The following NCKIPSD variants were observed in gnomAD, a reference collection of about 807,000 sequenced individuals.
NCKIPSD encodes NCK-interacting protein with SH3 domain.
NCKIPSD carries 48 observed loss-of-function variants against 73.4 expected under a neutral mutation model. That is an observed-to-expected ratio of 0.65 (90% CI 0.52 to 0.83). The LOEUF is 0.83. NCKIPSD is among the 40% of genes least tolerant of loss of function. The pLI, the probability that NCKIPSD is intolerant of heterozygous loss-of-function variation, is 0.00. For synonymous variants in NCKIPSD, 422 were observed against 403.6 expected, an observed-to-expected ratio of 1.05 and a Z score of -0.54; for missense variants, 884 against 970.2, an observed-to-expected ratio of 0.91 and a Z score of 1.18.
At chr3:48,682,237 G>T in intron 3 of NCKIPSD, 81 bp from the exon 4 acceptor site, 1 of 1,565,004 alleles carries the variant, frequency 6.4e-7, no homozygotes, top group Non-Finnish European at 8.7e-7. Context: ...CCCTGGCTGT[G>T]GGCAGGACTA....
rs746592857 is a variant in NCKIPSD at position 48,679,063 on chromosome 3, T to A, written c.1691A>T (p.His564Leu). 3.1e-6 allele frequency: 5 copies of A among 1,613,898 alleles called. No homozygotes were observed. The Admixed American group carries it at 8.3e-5, about 27-fold the overall frequency. ...GCCAGGCCCCACCCCACCTGGCAGG[T>A]GCAGGTTGAGAGCCAGAAGCAGGTT... is the stretch of plus-strand genomic sequence containing the variant. Reference protein sequence around the residue: ...CVNLLLALNLHLPAADQNVIM... With the variant: ...CVNLLLALNLLLPAADQNVIM... The change falls in exon 10 of 13, where the codon CAC becomes CTC. Residue 564 changes from histidine to leucine, a missense_variant. His to Leu is a moderately conservative substitution (Grantham distance 99). Transcript: ENST00000294129.
At chr3:48,685,604 G>A (rs751076210) in intron 1 of NCKIPSD, 33 bp downstream of exon 1, 47 of 1,505,952 alleles carry the variant, frequency 3.1e-5, no homozygotes, top group Non-Finnish European at 4.0e-5. Context: ...TGCCCCAGGG[G>A]CGCGGAGGCC....
Position 48,679,414 on chromosome 3 carries a change from G to T in NCKIPSD, c.1533C>A (p.Val511=). 6.2e-7 allele frequency: 1 copy of T among 1,614,114 alleles called. No individual in the cohort carries two copies. The highest frequency in any genetic ancestry group is 8.5e-7 in the Non-Finnish European group (1 of 1,179,992). The change falls in exon 9 of 13, where the codon GTC becomes GTA. Residue 511 remains valine (V), a synonymous_variant. Coordinates refer to ENST00000294129, the MANE Select transcript of NCKIPSD (RefSeq NM_016453.4). ...AGGGCACTGCCTCTCCCATGGAGAA[G>T]ACCATGGCCAGGATGAGGGCAGAGT... ...LCYSALILAM[V]FSMGEAVPYA...
rs1213237078 is a variant in NCKIPSD, at chr3:48,674,528, G to A, written c.*16C>T. On this transcript the variant is annotated 3_prime_UTR_variant, in exon 13 of 13. Transcript: ENST00000294129. ...CACACTGACTGGAGCTGCAGGGAAG[G>A]GAGGACAGCAAGGTGCTAGCTGGGA... The A allele has an allele frequency of 6.4e-7, 1 of 1,572,756 alleles. No homozygotes were observed. The highest frequency in any genetic ancestry group is 8.6e-7 in the Non-Finnish European group (1 of 1,158,088).
Position 48,681,461 on chromosome 3 carries a change from C to T in NCKIPSD, c.918G>A (p.Ala306=), listed in dbSNP as rs201990279. The change falls in exon 5 of 13, where the codon GCG becomes GCA. Residue 306 remains alanine (A), a synonymous_variant. Coordinates refer to ENST00000294129, the MANE Select transcript of NCKIPSD (RefSeq NM_016453.4). The stretch of plus-strand genomic sequence containing the variant: ...CGGCCCCAATGGTCCTGGGCACAGC[C>T]GCCTCAGCTGCTGCCTTCTCCTCTG... The part of the protein sequence containing the change: ...GTTEEKAAAE[A]AVPRTIGAEL... 321 of 1,614,172 alleles carry T rather than the reference C, an allele frequency of 2.0e-4. No homozygotes were observed. Among genetic ancestry groups the T allele is most frequent in the Non-Finnish European group, 2.6e-4 (306 of 1,180,050 alleles).
Position 48,679,392 on chromosome 3 carries a change from G to A in NCKIPSD, c.1555C>T (p.Pro519Ser). 6.2e-7 allele frequency: 1 copy of A among 1,614,146 alleles called. No homozygotes were observed. Among genetic ancestry groups the A allele is most frequent in the Non-Finnish European group, 8.5e-7 (1 of 1,180,018 alleles). Residue 519 changes from proline (P) to serine (S), a missense_variant, in exon 9 of 13, where the codon CCC becomes TCC. Pro to Ser is a moderately conservative substitution (Grantham distance 74). Coordinates refer to ENST00000294129, the MANE Select transcript of NCKIPSD (RefSeq NM_016453.4). Reference protein sequence around the residue: ...AMVFSMGEAVPYAHYEHLGTP... With the variant: ...AMVFSMGEAVSYAHYEHLGTP... ...GCATTCTTACCATAGTGTGCATAGG[G>A]CACTGCCTCTCCCATGGAGAAGACC...
At chr3:48,677,155 G>C (rs188309670) in intron 12 of NCKIPSD, among the ~76,000 whole-genome samples, 1 of 150,986 alleles carries the variant, frequency 6.6e-6, no homozygotes, top group African/African-American at 2.4e-5. Flanking sequence ...TTGGGAGGCT[G>C]AGGCAGGTGG....
chr3:48,682,832 T>G (rs1265086382), intron 2 of NCKIPSD, 71 bp downstream of exon 2: 1 of 1,509,538 alleles, frequency 6.6e-7, no homozygotes, highest in Non-Finnish European at 8.9e-7. Context: ...ACCTGCCCCA[T>G]GACACTCATT....
At position 48,682,380 on chromosome 3, in the gene NCKIPSD, C is replaced by G. The variant is rs147782496; in HGVS notation, c.454G>C (p.Glu152Gln). Residue 152 changes from glutamate (E) to glutamine (Q), a missense_variant, in exon 3 of 13, where the codon GAG (glutamate) becomes CAG (glutamine). Glu to Gln is a conservative substitution (Grantham distance 29, BLOSUM62 2). Coordinates refer to ENST00000294129, the MANE Select transcript of NCKIPSD (RefSeq NM_016453.4). ...AGGCCTCCATCTGCCCCAAGATGCT[C>G]AGAACTGGGTAGGCTGTGCTGCCGC... ...FERQHSLPSS[E>Q]HLGADGGLYQ... 6.2e-7 allele frequency: 1 copy of G among 1,614,082 alleles called. No homozygotes were observed. The highest frequency in any genetic ancestry group is 8.5e-7 in the Non-Finnish European group (1 of 1,179,988).
rs1163300831 is a variant in NCKIPSD at position 48,683,022 on chromosome 3, G to A, written c.172-10C>T. The A allele has an allele frequency of 8.4e-6, 13 of 1,548,968 alleles. No homozygotes were observed. The highest frequency in any genetic ancestry group is 1.4e-5 in the African/African-American group (1 of 73,016). ...CATCCTGCTCCAGGCCCTGGGGGGG[G>A]CAGGGGACAGCAGTTAGACCTGAAG... On this transcript the variant is annotated splice_polypyrimidine_tract_variant and intron_variant, in intron 1 of 12. Transcript: ENST00000294129.
Position 48,674,673 on chromosome 3 carries a change from T to C in NCKIPSD, c.2040A>G (p.Leu680=). The change falls in exon 13 of 13, where the codon CTA becomes CTG. Residue 680 remains leucine (L), a synonymous_variant. Coordinates refer to ENST00000294129, the MANE Select transcript of NCKIPSD (RefSeq NM_016453.4). ...GTCGCAGTATGGCCTGCAGGTCGGGTAGCCGGTGGCGGTGCTGCAGGTAGG... is the reference window on the plus strand; with the variant it reads ...GTCGCAGTATGGCCTGCAGGTCGGGCAGCCGGTGGCGGTGCTGCAGGTAGG... ...TTPYLQHRHR[L]PDLQAILRRI... 4 of 1,614,046 alleles carry C rather than the reference T, an allele frequency of 2.5e-6. No homozygotes were observed. The highest frequency in any genetic ancestry group is 1.7e-4 in the Middle Eastern group (1 of 6,060).
chr3:48,679,813 G>C lies in NCKIPSD; in HGVS notation c.1338C>G (p.Ala446=). 1 of 1,614,210 alleles carries C rather than the reference G, an allele frequency of 6.2e-7. No individual in the cohort carries two copies. The highest frequency in any genetic ancestry group is 1.1e-5 in the South Asian group (1 of 91,090). Residue 446 remains alanine, a synonymous_variant, in exon 7 of 13, where the codon GCC becomes GCG. Transcript: ENST00000294129. ...NEFESVLALV[A]YYQMEHRASL... Reference sequence around the variant, plus strand: ...ATCCTGCACATACCATTTGGTAATAGGCCACCAAGGCCAGGACAGACTCGA... The same window carrying C: ...ATCCTGCACATACCATTTGGTAATACGCCACCAAGGCCAGGACAGACTCGA...
chr3:48,681,927 A>C lies in NCKIPSD; in HGVS notation c.598+118T>G, dbSNP rs1268660539. 6.1e-6 allele frequency: 9 copies of C among 1,467,996 alleles called. No homozygotes were observed. The African/African-American group carries it at 1.1e-4, about 18-fold the overall frequency. 90.9% of individuals were successfully genotyped at this position (1,467,996 alleles called of 1,614,324 possible). On this transcript the variant is annotated intron_variant, in intron 4 of 12. Transcript: ENST00000294129. ...AAAGCCCAGAGCCCCTAATTGCCCC[A>C]AAATGGGAGTCCTGTCCTCTTCCCC...
Position 48,673,886 on chromosome 3 carries a change from A to C in NCKIPSD, c.*658T>G. 1 of 1,053,542 alleles carries C rather than the reference A, an allele frequency of 9.5e-7. No individual in the cohort carries two copies. Among genetic ancestry groups the C allele is most frequent in the Non-Finnish European group, 1.1e-6 (1 of 871,692 alleles). The allele number at this position is 1,053,542 out of a possible 1,614,324, so 65.3% of individuals were successfully genotyped here. A position where few individuals can be genotyped will look rare whatever the true frequency, so the allele number is the denominator to read the frequency against. On this transcript the variant is annotated 3_prime_UTR_variant, in exon 13 of 13. Transcript: ENST00000294129. ...TTTATTTCCAAAGGAGAGCTACAGC[A>C]CATAGGAAAATACACATGGCTTTTC...
Position 48,680,235 on chromosome 3 carries a change from G to A in NCKIPSD, c.1093-6C>T, listed in dbSNP as rs1052998745. 12 of 1,603,708 alleles carry A rather than the reference G, an allele frequency of 7.5e-6. No individual in the cohort carries two copies. The highest frequency in any genetic ancestry group is 2.7e-5 in the African/African-American group (2 of 74,710). ...GGCAGGGCCATGCTGAGGTCCTAGA[G>A]GGAGAGGGCAAGGCATGACTCAGCA... On this transcript the variant is annotated splice_polypyrimidine_tract_variant and splice_region_variant and intron_variant, in intron 5 of 12. Coordinates refer to ENST00000294129, the MANE Select transcript of NCKIPSD (RefSeq NM_016453.4).
rs538715413 is a variant in NCKIPSD, at chr3:48,683,137, G to A, written c.172-125C>T. 3.3e-5 allele frequency: 50 copies of A among 1,501,884 alleles called. No homozygotes were observed. The South Asian group carries it at 5.1e-4, about 15-fold the overall frequency. The allele number at this position is 1,501,884 out of a possible 1,614,324, so 93.0% of individuals were successfully genotyped here. The stretch of plus-strand genomic sequence containing the variant: ...GCGAAAGCCTGGAATGCTAGACATA[G>A]CACAAAAAGTTGAACCAGAATATGG... On this transcript the variant is annotated intron_variant, in intron 1 of 12. Coordinates refer to ENST00000294129, the MANE Select transcript of NCKIPSD (RefSeq NM_016453.4).
chr3:48,677,239 T>G (rs1455856695), intron 12 of NCKIPSD, among the ~76,000 whole-genome samples: 1 of 151,518 alleles, frequency 6.6e-6, no homozygotes, highest in African/African-American at 2.4e-5. Context: ...AATATAAAAA[T>G]TAGCTGGGTG....
At chr3:48,675,673 C>T (rs2077247034) in intron 12 of NCKIPSD, among the ~76,000 whole-genome samples, 1 of 151,568 alleles carries the variant, frequency 6.6e-6, no homozygotes, top group South Asian at 2.1e-4. Flanking sequence ...TCCCAAATAG[C>T]TGGGATTACA....
chr3:48,674,671 G>C lies in NCKIPSD; in HGVS notation c.2042C>G (p.Pro681Arg). The C allele has an allele frequency of 1.2e-6, 2 of 1,614,070 alleles. No homozygotes were observed. The highest frequency in any genetic ancestry group is 3.3e-5 in the Admixed American group (2 of 60,008). ...TPYLQHRHRL[P>R]DLQAILRRIL... is the part of the protein sequence containing the mutation. ...GCGTCGCAGTATGGCCTGCAGGTCG[G>C]GTAGCCGGTGGCGGTGCTGCAGGTA... The change falls in exon 13 of 13, where the codon CCC (proline) becomes CGC (arginine). Residue 681 changes from proline (P) to arginine (R), a missense_variant. By Grantham distance (103) the Pro-to-Arg change is moderately radical. Transcript: ENST00000294129.
Sources: gnomAD v4.1 joint callset for allele counts (sites outside exome capture counted in the v4.1 genomes callset) on GRCh38, gnomAD v4.1.1 for gene constraint, MANE v1.5 for transcripts, NCBI Gene and HGNC (gene_info 2026-07-23, HGNC 2026-07-21) for gene names.